The following KCNQ1 variants were observed in gnomAD, a reference collection of about 807,000 sequenced individuals.
KCNQ1 encodes potassium voltage-gated channel subfamily Q member 1.
A neutral mutation model predicts 72.4 loss-of-function variants in KCNQ1; 49 were observed. The ratio of observed to expected loss-of-function variants is 0.68; its 90% CI spans 0.54 to 0.86. KCNQ1 has a LOEUF of 0.86. Ranked by LOEUF, KCNQ1 falls within the 40% of genes least tolerant of loss-of-function variation. The pLI, the probability that KCNQ1 is intolerant of heterozygous loss-of-function variation, is 0.00. For missense variants in KCNQ1, 790 were observed against 945.1 expected (o/e 0.84, Z 2.15); for synonymous variants, 450 against 412.6 (o/e 1.09, Z -1.10).
chr11:2,847,101 C>T (rs565957342), intron 15 of KCNQ1, among the ~76,000 whole-genome samples: 1 of 151,800 alleles, frequency 6.6e-6, no homozygotes, highest in African/African-American at 2.4e-5. Flanking sequence ...ACAAAAAAAC[C>T]CACCCCCACC....
chr11:2,592,582 A>G lies in KCNQ1; in HGVS notation c.1393+3728A>G, dbSNP rs536238048. On this transcript the variant is annotated intron_variant, in intron 10 of 15. Transcript: ENST00000155840. This position sits in a 1 kb window ranked among gnomAD's most constrained non-coding sequence, Gnocchi z 5.2. ...AGCAGGGGCTGGCCAGCCTAGCCCT[A>G]GAGTCTTTGCAGTGAAGCGTCACAG... 3.5e-4 allele frequency among the ~76,000 whole-genome samples: 53 copies of G among 152,316 alleles called. No individual in the cohort carries two copies. Among genetic ancestry groups the G allele is most frequent in the Middle Eastern group, 3.4e-3 (1 of 294 alleles).
chr11:2,569,719 A>G (rs978333069), intron 2 of KCNQ1, among the ~76,000 whole-genome samples: 1 of 152,166 alleles, frequency 6.6e-6, no homozygotes, highest in Admixed American at 6.5e-5. Context: ...TGGCCGCTGC[A>G]CTTTAAGTGT....
rs980769107 is a variant in KCNQ1, at chr11:2,559,226, G to A, written c.478-11402G>A. 2.1e-4 allele frequency among the ~76,000 whole-genome samples: 32 copies of A among 152,098 alleles called. No homozygotes were observed. Among genetic ancestry groups the A allele is most frequent in the African/African-American group, 7.5e-4 (31 of 41,420 alleles). ...CCCAGAGGTGCTTCCCGGGAAGCCC[G>A]TGGAGAGGATGCATTCGACACCCAA... On this transcript the variant is annotated intron_variant, in intron 2 of 15. Transcript: ENST00000155840. This position sits in a 1 kb window ranked among gnomAD's most constrained non-coding sequence, Gnocchi z 4.9.
At chr11:2,761,599 T>C (rs77023912) in intron 11 of KCNQ1, among the ~76,000 whole-genome samples, 2,549 of 152,218 alleles carry the variant, frequency 0.017, 116 homozygotes, top group East Asian at 0.14. Context: ...TCCGTATCAC[T>C]ACCAGGAAAG....
chr11:2,581,327 A>G (rs1241312121), intron 6 of KCNQ1, among the ~76,000 whole-genome samples: 9 of 152,214 alleles, frequency 5.9e-5, no homozygotes, highest in Admixed American at 5.9e-4. Flanking sequence ...CCAGGGCAGG[A>G]CTGGCACAGG....
chr11:2,797,219 C>T (rs1457895846), intron 15 of KCNQ1, among the ~76,000 whole-genome samples: 3 of 152,256 alleles, frequency 2.0e-5, no homozygotes, highest in Non-Finnish European at 2.9e-5. Flanking sequence ...GGCTGGGCCA[C>T]GGAGAGGCCG....
chr11:2,798,231 A>G (rs1847179083), intron 15 of KCNQ1, among the ~76,000 whole-genome samples: 2 of 152,108 alleles, frequency 1.3e-5, no homozygotes, highest in African/African-American at 4.8e-5. Flanking sequence ...TGGACCGTCC[A>G]CGCCCTGGGT....
intron 1 of KCNQ1, among the ~76,000 whole-genome samples, chr11:2,459,332 C>A (rs147590727): frequency 0.011 from 1,726 of 152,272 alleles, 23 homozygotes; most frequent in South Asian, 0.032. Context: ...GCATGTGACA[C>A]TCCCTGACTT....
At chr11:2,778,110 C>A (rs1044254872) in intron 15 of KCNQ1, 73 bp downstream of exon 15, 3 of 1,426,150 alleles carry the variant, frequency 2.1e-6, no homozygotes, top group Non-Finnish European at 2.0e-6. Context: ...CTGTGGTCTG[C>A]GTGTGAACGT....
At chr11:2,845,065 G>A (rs773575612) in intron 15 of KCNQ1, among the ~76,000 whole-genome samples, 7 of 152,152 alleles carry the variant, frequency 4.6e-5, no homozygotes, top group Non-Finnish European at 1.0e-4. Flanking sequence ...GCACCCTGAA[G>A]GCTGAGAGAC....
intron 2 of KCNQ1, among the ~76,000 whole-genome samples, chr11:2,556,357 C>T (rs959149740): frequency 7.9e-5 from 12 of 152,138 alleles, no homozygotes; most frequent in African/African-American, 2.7e-4. Context: ...GGGCGGGGGA[C>T]ACAGTTTAGC....
In KCNQ1 at chr11:2,676,279, T is replaced by C. The variant is rs186918808; in HGVS notation, c.1514+14198T>C. ...GCATTTTTATTGCAAAATGTGTGTT[T>C]ACATGTATACAGACACACGTGTGAA... On this transcript the variant is annotated intron_variant, in intron 11 of 15. Transcript: ENST00000155840. The surrounding 1 kb of genome is among the most constrained non-coding windows in gnomAD (Gnocchi z 4.2). 2.7e-4 allele frequency: 109 copies of C among 398,674 alleles called. No homozygotes were observed. The highest frequency in any genetic ancestry group is 6.2e-4 in the Admixed American group (14 of 22,740). 24.7% of individuals were successfully genotyped at this position (398,674 alleles called of 1,614,324 possible). A position where few individuals can be genotyped will look rare whatever the true frequency, so the allele number is the denominator to read the frequency against.
Position 2,815,715 on chromosome 11 carries a change from C to T in KCNQ1, c.1795-32052C>T, listed in dbSNP as rs569993291. Among the ~76,000 whole-genome samples, 51 of 152,180 alleles carry T rather than the reference C, an allele frequency of 3.4e-4. No individual in the cohort carries two copies. Among genetic ancestry groups the T allele is most frequent in the Admixed American group, 2.7e-3 (41 of 15,294 alleles). On this transcript the variant is annotated intron_variant, in intron 15 of 15. Transcript: ENST00000155840. This position sits in a 1 kb window ranked among gnomAD's most constrained non-coding sequence, Gnocchi z 5.4. ...AGGGGCAATTGGAAGAGGCTGGAGACTATTCAGGAGAGGGTGGGAGCAGAC... is the reference window on the plus strand; with the variant it reads ...AGGGGCAATTGGAAGAGGCTGGAGATTATTCAGGAGAGGGTGGGAGCAGAC...
At chr11:2,820,604 C>G (rs1847712428) in intron 15 of KCNQ1, among the ~76,000 whole-genome samples, 1 of 151,970 alleles carries the variant, frequency 6.6e-6, no homozygotes, top group African/African-American at 2.4e-5. Context: ...GTTTCACCCA[C>G]TGTGGTTTGT....
At position 2,509,184 on chromosome 11, in the gene KCNQ1, C is replaced by G. The variant is rs577228149; in HGVS notation, c.387-18744C>G. ...GCACAGGTTGGGAGAGCAACTATCT[C>G]AAGGCTTTTATTTGCTGTTTCATGA... On this transcript the variant is annotated intron_variant, in intron 1 of 15. Coordinates refer to ENST00000155840, the MANE Select transcript of KCNQ1 (RefSeq NM_000218.3). This position sits in a 1 kb window ranked among gnomAD's most constrained non-coding sequence, Gnocchi z 6.3. Among the ~76,000 whole-genome samples, 1 of 152,314 alleles carries G rather than the reference C, an allele frequency of 6.6e-6. No individual in the cohort carries two copies. Among genetic ancestry groups the G allele is most frequent in the East Asian group, 1.9e-4 (1 of 5,190 alleles).
rs905422134 is a variant in KCNQ1 at position 2,599,694 on chromosome 11, A to G, written c.1393+10840A>G. On this transcript the variant is annotated intron_variant, in intron 10 of 15. Coordinates refer to ENST00000155840, the MANE Select transcript of KCNQ1 (RefSeq NM_000218.3). This position sits in a 1 kb window ranked among gnomAD's most constrained non-coding sequence, Gnocchi z 4.7. ...TGAGGCCTCTTTCCTTGCCTTGCAGATGGCCGCCTTCTTCCTGTGTCATCA... is the reference window on the plus strand; with the variant it reads ...TGAGGCCTCTTTCCTTGCCTTGCAGGTGGCCGCCTTCTTCCTGTGTCATCA... Among the ~76,000 whole-genome samples the G allele has an allele frequency of 1.3e-5, 2 of 152,112 alleles. No individual in the cohort carries two copies. Among genetic ancestry groups the G allele is most frequent in the Non-Finnish European group, 2.9e-5 (2 of 68,022 alleles).
At chr11:2,610,349 C>T (rs1848959608) in intron 10 of KCNQ1, 2 of 398,048 alleles carry the variant, frequency 5.0e-6, no homozygotes, top group Non-Finnish European at 8.9e-6. Context: ...TTATAATGAT[C>T]ATACTATATA....
At chr11:2,638,122 CTCTT>C (rs1470097899) in intron 10 of KCNQ1, 10 of 152,172 alleles carry the variant, frequency 6.6e-5, no homozygotes, top group Admixed American at 3.3e-4. Flanking sequence ...TGGGTCTTGA[CTCTT>C]TATCCAATTT....
rs1323265798 is a variant in KCNQ1 at position 2,713,256 on chromosome 11, C to T, written c.1514+51175C>T. Among the ~76,000 whole-genome samples the T allele has an allele frequency of 1.3e-5, 2 of 152,114 alleles. No homozygotes were observed. Among genetic ancestry groups the T allele is most frequent in the African/African-American group, 2.4e-5 (1 of 41,418 alleles). ...CCGGACCTGCATCCCGCTCCTCCTC[C>T]GCTCCCTGGAAACGTTCCCTGAATC... On this transcript the variant is annotated intron_variant, in intron 11 of 15. Coordinates refer to ENST00000155840, the MANE Select transcript of KCNQ1 (RefSeq NM_000218.3). This position sits in a 1 kb window ranked among gnomAD's most constrained non-coding sequence, Gnocchi z 5.6.
Sources: allele counts gnomAD v4.1 joint callset (sites outside exome capture counted in the v4.1 genomes callset), GRCh38; gene constraint gnomAD v4.1.1; non-coding constraint Gnocchi (gnomAD v3.1); transcripts MANE v1.5; gene names NCBI Gene and HGNC (gene_info 2026-07-23, HGNC 2026-07-21).